INTS9: variants seen among roughly 807,000 people sequenced by gnomAD.
The protein encoded by INTS9 is integrator complex subunit 9, also known as protein related to CPSF subunits of 74 kDa.
In INTS9, 55 loss-of-function variants were observed where a neutral mutation model predicts 79.7. That is an observed-to-expected ratio of 0.69 (90% CI 0.56 to 0.86). INTS9 has a LOEUF of 0.86. Ranked by LOEUF, INTS9 falls within the 40% of genes least tolerant of loss-of-function variation. INTS9 has a pLI of 0.00. For synonymous variants in INTS9, 319 were observed against 325.2 expected (o/e 0.98, Z 0.20); for missense variants, 721 against 831.5 (o/e 0.87, Z 1.64).
intron 1 of INTS9, among the ~76,000 whole-genome samples, chr8:28,871,512 C>G (rs1332151878): frequency 2.0e-5 from 3 of 152,046 alleles, no homozygotes; most frequent in Non-Finnish European, 4.4e-5. Context: ...TCAAGCAATC[C>G]TCCCACCTCA....
chr8:28,859,594 A>G, intron 1 of INTS9, 31 bp from the exon 2 acceptor site: 9 of 1,610,230 alleles, frequency 5.6e-6, no homozygotes, highest in African/African-American at 1.3e-5. Flanking sequence ...TTGATCAGTA[A>G]TCAATTACAG....
intron 1 of INTS9, among the ~76,000 whole-genome samples, chr8:28,881,427 T>TG (rs1809791117): frequency 2.8e-5 from 2 of 70,864 alleles, no homozygotes; most frequent in African/African-American, 5.8e-5. Flanking sequence ...GGGAGGGAGG[T>TG]GGGGGGGTCA....
At chr8:28,783,626 C>G (rs918231923) in intron 11 of INTS9, 4 of 152,226 alleles carry the variant, frequency 2.6e-5, no homozygotes, top group African/African-American at 9.6e-5. Context: ...AAGACCTCAT[C>G]TTTAATTGAA....
intron 1 of INTS9, among the ~76,000 whole-genome samples, chr8:28,881,476 A>G (rs1181157193): frequency 3.9e-3 from 141 of 35,930 alleles, no homozygotes; most frequent in African/African-American, 4.6e-3. Flanking sequence ...GGGAGGGGGG[A>G]GGGGGGGGTC....
chr8:28,812,237 T>C, intron 8 of INTS9, 90 bp downstream of exon 8: 1 of 1,327,428 alleles, frequency 7.5e-7, no homozygotes, highest in Non-Finnish European at 1.1e-6. Flanking sequence ...ATTTGGAAGA[T>C]TTAAAAATGG....
In INTS9 at chr8:28,837,437, C is replaced by A. The variant is rs115950669; in HGVS notation, c.401+200G>T. Among the ~76,000 whole-genome samples the A allele has an allele frequency of 3.7e-3, 561 of 152,320 alleles. 8 individuals carry two copies. The highest frequency in any genetic ancestry group is 0.013 in the African/African-American group (537 of 41,572). On this transcript the variant is annotated intron_variant, in intron 5 of 16. Transcript: ENST00000521022. ...ATTAATTTATAAGAAAAAAGACCAA[C>A]AAGACTACTTGCACCATCAATCCTT...
intron 14 of INTS9, among the ~76,000 whole-genome samples, chr8:28,772,479 C>A (rs958184268): frequency 2.6e-5 from 4 of 152,154 alleles, no homozygotes; most frequent in Non-Finnish European, 4.4e-5. Flanking sequence ...TGCCACTACA[C>A]TCCAGCCTGG....
chr8:28,879,185 G>A (rs1472402602), intron 1 of INTS9, among the ~76,000 whole-genome samples: 6 of 152,098 alleles, frequency 3.9e-5, no homozygotes, highest in African/African-American at 1.4e-4. Context: ...TCAACAAAAT[G>A]TTAGCAAACC....
chr8:28,823,969 T>C (rs1402027029), intron 6 of INTS9, among the ~76,000 whole-genome samples: 2 of 152,226 alleles, frequency 1.3e-5, no homozygotes, highest in Non-Finnish European at 2.9e-5. Context: ...ACCTTCTACA[T>C]AAACAGATAC....
chr8:28,818,446 G>T (rs988296092), intron 6 of INTS9, among the ~76,000 whole-genome samples: 2 of 151,936 alleles, frequency 1.3e-5, no homozygotes, highest in African/African-American at 4.8e-5. Context: ...TTATATGCTG[G>T]ATTACATTTC....
chr8:28,787,829 C>T lies in INTS9; in HGVS notation c.1098G>A (p.Glu366=), dbSNP rs1187836994. Residue 366 remains glutamate (E), a splice_region_variant and synonymous_variant, in exon 11 of 17, where the codon GAG becomes GAA. Coordinates refer to ENST00000521022, the MANE Select transcript of INTS9 (RefSeq NM_018250.4). ...YLPEPPFPHA[E]LIQTNKLKHY... is the part of the protein sequence containing the mutation. The stretch of plus-strand genomic sequence containing the variant: ...TGTCCCAGTGATTTTGTTTTCTTAC[C>T]TCTGCATGAGGAAAAGGTGGTTCTG... 1.2e-6 allele frequency: 2 copies of T among 1,604,714 alleles called. No homozygotes were observed. The highest frequency in any genetic ancestry group is 1.7e-4 in the Middle Eastern group (1 of 6,020).
intron 1 of INTS9, 36 bp from the exon 2 acceptor site, chr8:28,859,599 T>C: frequency 1.9e-6 from 3 of 1,608,144 alleles, no homozygotes; most frequent in South Asian, 1.1e-5. Context: ...CAGTAATCAA[T>C]TACAGAAGAA....
At chr8:28,827,677 CT>C (rs1251441053) in intron 6 of INTS9, among the ~76,000 whole-genome samples, 2 of 152,082 alleles carry the variant, frequency 1.3e-5, no homozygotes, top group Non-Finnish European at 1.5e-5. Context: ...GTTACAACCC[CT>C]GATGTTTATT....
At chr8:28,817,451 G>C (rs1402188858) in intron 6 of INTS9, among the ~76,000 whole-genome samples, 4 of 152,112 alleles carry the variant, frequency 2.6e-5, no homozygotes, top group Non-Finnish European at 5.9e-5. Flanking sequence ...GTTTGTCAAA[G>C]ATCAGATAGT....
chr8:28,854,911 C>G (rs1321527667), intron 2 of INTS9, among the ~76,000 whole-genome samples: 1 of 152,206 alleles, frequency 6.6e-6, no homozygotes, highest in Non-Finnish European at 1.5e-5. Flanking sequence ...TGTGTTGATT[C>G]ACCAAGAATA....
intron 1 of INTS9, among the ~76,000 whole-genome samples, chr8:28,889,670 A>C (rs1282784344): frequency 1.3e-5 from 2 of 152,180 alleles, no homozygotes; most frequent in Non-Finnish European, 2.9e-5. Flanking sequence ...GAGTGAAAAA[A>C]GACCTCCTGG....
At chr8:28,853,968 G>A (rs1444439126) in intron 2 of INTS9, among the ~76,000 whole-genome samples, 2 of 152,066 alleles carry the variant, frequency 1.3e-5, no homozygotes, top group Non-Finnish European at 2.9e-5. Flanking sequence ...ATCTGCCCGC[G>A]CCTCAGCCTC....
intron 2 of INTS9, among the ~76,000 whole-genome samples, chr8:28,854,981 T>G (rs1031012859): frequency 3.3e-5 from 5 of 152,250 alleles, no homozygotes; most frequent in Admixed American, 1.3e-4. Context: ...TTTTTCTGGC[T>G]GTGTAGTATT....
At chr8:28,845,582 T>C (rs554425252) in intron 4 of INTS9, among the ~76,000 whole-genome samples, 57 of 152,312 alleles carry the variant, frequency 3.7e-4, no homozygotes, top group Non-Finnish European at 7.5e-4. Context: ...GTGGTGTCCA[T>C]AAATGGAAGG....
Sources: gnomAD v4.1 joint callset for allele counts (sites outside exome capture counted in the v4.1 genomes callset) on GRCh38, gnomAD v4.1.1 for gene constraint, MANE v1.5 for transcripts, NCBI Gene and HGNC (gene_info 2026-07-23, HGNC 2026-07-21) for gene names.